The following MBP variants were observed in gnomAD, a reference collection of about 807,000 sequenced individuals.
MBP encodes Golli-MBP.
A neutral mutation model predicts 35.8 loss-of-function variants in MBP; 16 were observed. That is an observed-to-expected ratio of 0.45 (90% CI 0.30 to 0.68). The LOEUF (loss-of-function observed/expected upper bound fraction) is 0.68, where lower values mean the gene tolerates loss of function less well. MBP is among the 30% of genes least tolerant of loss of function. The probability of loss-of-function intolerance (pLI) is 0.08; values close to 1 mark genes in which losing one functional copy is unlikely to be tolerated. For missense variants in MBP, 380 were observed against 404.7 expected (o/e 0.94, Z 0.52); for synonymous variants, 143 against 159.6 (o/e 0.90, Z 0.78).
chr18:77,029,810 G>A (rs531838134), intron 3 of MBP, among the ~76,000 whole-genome samples: 4 of 127,386 alleles, frequency 3.1e-5, no homozygotes, highest in South Asian at 2.7e-4. Flanking sequence ...ACACACACAC[G>A]CAGTCACCAC....
intron 3 of MBP, among the ~76,000 whole-genome samples, chr18:77,028,687 T>G (rs1437317451): frequency 1.3e-5 from 1 of 75,634 alleles, no homozygotes; most frequent in Non-Finnish European, 3.4e-5. Context: ...CACTTCCCAG[T>G]AGGGGCGGCC....
rs142105392 is a variant in MBP at position 77,105,981 on chromosome 18, C to G, written c.-25-695G>C. Reference sequence around the variant, plus strand: ...CCACACCCATTCCAAGCAAATTGCTCCTTCCAGCCTTCCTGCGGAACCTGC... The same window carrying G: ...CCACACCCATTCCAAGCAAATTGCTGCTTCCAGCCTTCCTGCGGAACCTGC... On this transcript the variant is annotated intron_variant, in intron 1 of 8. Coordinates refer to ENST00000355994, the MANE Select transcript of MBP (RefSeq NM_001025101.2). Among the ~76,000 whole-genome samples the G allele has an allele frequency of 2.1e-4, 32 of 152,362 alleles. No homozygotes were observed. The East Asian group carries it at 4.1e-3, about 19-fold the overall frequency.
At chr18:77,097,548 C>CCAGGGCCATCTG (rs1975811115) in intron 2 of MBP, 1 of 152,358 alleles carries the variant, frequency 6.6e-6, no homozygotes, top group South Asian at 2.1e-4. Context: ...AGAGTCTCAG[C>CCAGGGCCATCTG]CAGGGCCATC....
chr18:77,061,198 C>A lies in MBP; in HGVS notation c.139+5100G>T, dbSNP rs577025473. Among the ~76,000 whole-genome samples the A allele has an allele frequency of 8.5e-5, 13 of 152,318 alleles. 1 individual carries two copies. In the South Asian group the frequency reaches 2.7e-3, roughly 32 times the overall value. On this transcript the variant is annotated intron_variant, in intron 3 of 8. Coordinates refer to ENST00000355994, the MANE Select transcript of MBP (RefSeq NM_001025101.2). ...TTGCACCACTGGCCCTTACTGAATT[C>A]TATTACAATAAATAACTATACAAAA...
chr18:77,051,102 A>G (rs975658425), intron 3 of MBP, among the ~76,000 whole-genome samples: 2 of 152,246 alleles, frequency 1.3e-5, no homozygotes, highest in Admixed American at 6.5e-5. Context: ...CATAGCATGT[A>G]AGATTCTATT....
Position 77,020,657 on chromosome 18 carries a change from C to T in MBP, c.140-3389G>A, listed in dbSNP as rs1349907684. Reference sequence around the variant, plus strand: ...TCCCAGGGCTTTACTCGGGGCTGGTCTCATAGGCTGCCTCGCTTGGTGCCA... The same window carrying T: ...TCCCAGGGCTTTACTCGGGGCTGGTTTCATAGGCTGCCTCGCTTGGTGCCA... On this transcript the variant is annotated intron_variant, in intron 3 of 8. Coordinates refer to ENST00000355994, the MANE Select transcript of MBP (RefSeq NM_001025101.2). The surrounding 1 kb of genome is among the most constrained non-coding windows in gnomAD (Gnocchi z 4.1). Among the ~76,000 whole-genome samples, 1 of 152,226 alleles carries T rather than the reference C, an allele frequency of 6.6e-6. No individual in the cohort carries two copies. Among genetic ancestry groups the T allele is most frequent in the African/African-American group, 2.4e-5 (1 of 41,452 alleles).
At chr18:77,106,006 C>T (rs941290515) in intron 1 of MBP, among the ~76,000 whole-genome samples, 19 of 152,334 alleles carry the variant, frequency 1.2e-4, no homozygotes, top group South Asian at 8.3e-4. Context: ...GCGGAACCTG[C>T]CCTGGCCTTG....
intron 2 of MBP, among the ~76,000 whole-genome samples, chr18:77,072,605 A>T (rs1157821374): frequency 1.3e-5 from 2 of 152,244 alleles, no homozygotes; most frequent in Admixed American, 6.5e-5. Context: ...AGCACACAAA[A>T]CTATTGAAAA....
At chr18:77,083,415 A>G (rs151034507) in intron 2 of MBP, among the ~76,000 whole-genome samples, 1 of 152,354 alleles carries the variant, frequency 6.6e-6, no homozygotes, top group East Asian at 1.9e-4. Context: ...TTTTGATAGT[A>G]TCAGAGGAAA....
chr18:77,129,849 G>A (rs1386971999), intron 1 of MBP, among the ~76,000 whole-genome samples: 1 of 152,086 alleles, frequency 6.6e-6, no homozygotes, highest in Non-Finnish European at 1.5e-5. Flanking sequence ...GGCCAACATG[G>A]TGAGGCCCCA....
chr18:77,082,327 C>T (rs62104281), intron 2 of MBP, among the ~76,000 whole-genome samples: 7,705 of 152,204 alleles, frequency 0.051, 299 homozygotes, highest in East Asian at 0.15. Flanking sequence ...CATTACACTA[C>T]GTGAAAGAAG....
rs569432839 is a variant in MBP at position 76,997,902 on chromosome 18, TCGATCTCCTGAC to T, written c.577-7854_577-7843del. On this transcript the variant is annotated intron_variant, in intron 4 of 8. Transcript: ENST00000355994. ...TTTCACTGTGTTAGCCAGGATGGTCTCGATCTCCTGACCTCGTGATCCGCCCGCCTCGGCCTC... is the reference window on the plus strand; with the variant it reads ...TTTCACTGTGTTAGCCAGGATGGTCTCTCGTGATCCGCCCGCCTCGGCCTC... Among the ~76,000 whole-genome samples the T allele has an allele frequency of 4.0e-4, 61 of 151,918 alleles. No homozygotes were observed. The East Asian group carries it at 0.011, about 27-fold the overall frequency.
intron 7 of MBP, chr18:76,986,471 C>G: frequency 1.0e-6 from 1 of 985,522 alleles, no homozygotes. Context: ...TCCCACCATA[C>G]AAGCTACTTG....
chr18:76,979,319 C>T lies in MBP; in HGVS notation c.*1108G>A, dbSNP rs1969054187. The T allele has an allele frequency of 6.6e-6, 1 of 152,200 alleles. No individual in the cohort carries two copies. Among genetic ancestry groups the T allele is most frequent in the Non-Finnish European group, 1.5e-5 (1 of 68,162 alleles). 9.4% of individuals were successfully genotyped at this position (152,200 alleles called of 1,614,324 possible). On this transcript the variant is annotated 3_prime_UTR_variant, in exon 9 of 9. Coordinates refer to ENST00000355994, the MANE Select transcript of MBP (RefSeq NM_001025101.2). ...TTGTCTCCATCCACGGGGCCGTCTG[C>T]TCAGCCCGTGTGTCTCGGTGAGTAA...
At position 77,028,542 on chromosome 18, in the gene MBP, GC is replaced by G. The variant is rs552725421; in HGVS notation, c.140-11275del. 4.3e-3 allele frequency among the ~76,000 whole-genome samples: 412 copies of G among 96,018 alleles called. 1 individual carries two copies. Among genetic ancestry groups the G allele is most frequent in the African/African-American group, 0.012 (385 of 33,386 alleles). The allele number at this position is 96,018 out of a possible 152,430, so 63.0% of individuals were successfully genotyped here. On this transcript the variant is annotated intron_variant, in intron 3 of 8. Coordinates refer to ENST00000355994, the MANE Select transcript of MBP (RefSeq NM_001025101.2). ...GACGGGGTGGTGGCCGGGCAGAGGG[GC>G]TCCTCACTTCCCAGTAGGGGCGGCC...
intron 3 of MBP, among the ~76,000 whole-genome samples, chr18:77,045,302 C>A (rs114959778): frequency 6.6e-6 from 1 of 151,996 alleles, no homozygotes; most frequent in African/African-American, 2.4e-5. Context: ...CAGCACCTGC[C>A]GGCATCAGGT....
rs1337745791 is a variant in MBP, at chr18:77,101,412, G to C, written c.51+3799C>G. The stretch of plus-strand genomic sequence containing the variant: ...TCAAAGGCAGAACAGGAGTTTCTTC[G>C]TTTCTGAGAAGGAGCGCTGTGCCCT... On this transcript the variant is annotated intron_variant, in intron 2 of 8. Coordinates refer to ENST00000355994, the MANE Select transcript of MBP (RefSeq NM_001025101.2). The surrounding 1 kb of genome is among the most constrained non-coding windows in gnomAD (Gnocchi z 4.3). Among the ~76,000 whole-genome samples, 2 of 152,214 alleles carry C rather than the reference G, an allele frequency of 1.3e-5. No individual in the cohort carries two copies. The highest frequency in any genetic ancestry group is 2.9e-5 in the Non-Finnish European group (2 of 68,032).
At chr18:77,049,413 T>C (rs988839559) in intron 3 of MBP, among the ~76,000 whole-genome samples, 2 of 152,216 alleles carry the variant, frequency 1.3e-5, no homozygotes, top group African/African-American at 4.8e-5. Context: ...CACCCTAATT[T>C]ATAGTCTGTT....
In MBP at chr18:76,980,282, G is replaced by T; in HGVS notation, c.*145C>A. 1 of 797,180 alleles carries T rather than the reference G, an allele frequency of 1.3e-6. No individual in the cohort carries two copies. 49.4% of individuals were successfully genotyped at this position (797,180 alleles called of 1,614,324 possible). A position where few individuals can be genotyped will look rare whatever the true frequency, so the allele number is the denominator to read the frequency against. The stretch of plus-strand genomic sequence containing the variant: ...CCGGAAATTGCCGGTAGGCTGCCGT[G>T]GCCTGACCCTACTACGTGCACAACT... On this transcript the variant is annotated 3_prime_UTR_variant, in exon 9 of 9. Coordinates refer to ENST00000355994, the MANE Select transcript of MBP (RefSeq NM_001025101.2).
Sources: gnomAD v4.1 joint callset for allele counts (sites outside exome capture counted in the v4.1 genomes callset) on GRCh38, gnomAD v4.1.1 for gene constraint, Gnocchi (gnomAD v3.1) non-coding constraint, MANE v1.5 for transcripts, NCBI Gene and HGNC (gene_info 2026-07-23, HGNC 2026-07-21) for gene names.